The following OSBPL11 variants were observed in gnomAD, a reference collection of about 807,000 sequenced individuals.
The protein encoded by OSBPL11 is oxysterol binding protein like 11, also known as oxysterol-binding protein-related protein 11.
A neutral mutation model predicts 84.4 loss-of-function variants in OSBPL11; 33 were observed. That is an observed-to-expected ratio of 0.39 (90% confidence interval 0.30 to 0.52). The LOEUF is 0.52. OSBPL11 is among the 20% of genes least tolerant of loss of function. The probability of loss-of-function intolerance (pLI) is 0.72; values close to 1 mark genes in which losing one functional copy is unlikely to be tolerated. For missense variants in OSBPL11, 736 were observed against 901.1 expected (o/e 0.82, Z 2.35); for synonymous variants, 276 against 310.2 (o/e 0.89, Z 1.16).
chr3:125,563,671 C>T, intron 7 of OSBPL11, 27 bp downstream of exon 7: 7 of 1,609,350 alleles, frequency 4.3e-6, no homozygotes, highest in Non-Finnish European at 5.9e-6. Flanking sequence ...TTTTTCACAT[C>T]AAAATCATAT....
At chr3:125,575,105 T>G (rs989587042) in intron 5 of OSBPL11, among the ~76,000 whole-genome samples, 4 of 152,202 alleles carry the variant, frequency 2.6e-5, no homozygotes, top group Non-Finnish European at 5.9e-5. Context: ...GTAGTTCAAC[T>G]AAAACAACAT....
chr3:125,529,738 A>T lies in OSBPL11; in HGVS notation c.*777T>A, dbSNP rs1580025585. On this transcript the variant is annotated 3_prime_UTR_variant, in exon 13 of 13. Coordinates refer to ENST00000296220, the MANE Select transcript of OSBPL11 (RefSeq NM_022776.5). ...ATCATATTGACATTAACACATTTTTAAAAAGTGTCTCTCAAGTGTAATATT... is the reference window on the plus strand; with the variant it reads ...ATCATATTGACATTAACACATTTTTTAAAAGTGTCTCTCAAGTGTAATATT... 6.6e-6 allele frequency: 1 copy of T among 152,660 alleles called. No homozygotes were observed. The highest frequency in any genetic ancestry group is 1.5e-5 in the Non-Finnish European group (1 of 68,050). The allele number at this position is 152,660 out of a possible 1,614,324, so 9.5% of individuals were successfully genotyped here.
At chr3:125,589,488 T>C (rs1391449455) in intron 1 of OSBPL11, among the ~76,000 whole-genome samples, 1 of 152,126 alleles carries the variant, frequency 6.6e-6, no homozygotes, top group African/African-American at 2.4e-5. Context: ...TAATATTTTA[T>C]AGTTTCCAGT....
intron 1 of OSBPL11, among the ~76,000 whole-genome samples, chr3:125,588,877 C>T (rs764590417): frequency 8.5e-5 from 13 of 152,204 alleles, no homozygotes; most frequent in Non-Finnish European, 1.5e-4. Context: ...AAAAATTCAA[C>T]TCGCAGACTG....
intron 8 of OSBPL11, among the ~76,000 whole-genome samples, chr3:125,558,887 G>A (rs1936032125): frequency 6.6e-6 from 1 of 152,190 alleles, no homozygotes; most frequent in Admixed American, 6.5e-5. Context: ...TGGGACTGGG[G>A]CCTGAGATTC....
At chr3:125,571,639 T>A (rs1431821284) in intron 5 of OSBPL11, among the ~76,000 whole-genome samples, 1 of 152,172 alleles carries the variant, frequency 6.6e-6, no homozygotes, top group African/African-American at 2.4e-5. Context: ...AACGTAGAGC[T>A]CGTCTGTGGC....
In OSBPL11 at chr3:125,545,788, T is replaced by G. The variant is rs536303179; in HGVS notation, c.1841+1618A>C. On this transcript the variant is annotated intron_variant, in intron 10 of 12. Transcript: ENST00000296220. The stretch of plus-strand genomic sequence containing the variant: ...CAGGCTCACTTGGCTGCATGAGAGA[T>G]AGATGTGGAAACTAAGGGAGTAAGG... Among the ~76,000 whole-genome samples, 9 of 152,072 alleles carry G rather than the reference T, an allele frequency of 5.9e-5. No homozygotes were observed. The South Asian group carries it at 8.3e-4, about 14-fold the overall frequency.
chr3:125,543,679 T>C (rs1935768414), intron 10 of OSBPL11, among the ~76,000 whole-genome samples: 1 of 151,986 alleles, frequency 6.6e-6, no homozygotes. Flanking sequence ...GGTGGGCAGA[T>C]CACTTGAGGT....
intron 4 of OSBPL11, among the ~76,000 whole-genome samples, chr3:125,576,787 G>A (rs965820623): frequency 1.6e-4 from 25 of 151,696 alleles, no homozygotes; most frequent in Non-Finnish European, 2.9e-4. Flanking sequence ...AGATTCATGC[G>A]ATTCCCCTGC....
At chr3:125,541,516 C>T (rs1282640216) in intron 10 of OSBPL11, among the ~76,000 whole-genome samples, 3 of 152,152 alleles carry the variant, frequency 2.0e-5, no homozygotes, top group Non-Finnish European at 2.9e-5. Context: ...TTGTGACTAT[C>T]CCATTTCTGT....
At chr3:125,580,449 G>A (rs112893315) in intron 2 of OSBPL11, among the ~76,000 whole-genome samples, 3 of 147,912 alleles carry the variant, frequency 2.0e-5, no homozygotes, top group Non-Finnish European at 3.0e-5. Flanking sequence ...GGGAGGCAGC[G>A]GTTGCACTGC....
rs1350508676 is a variant in OSBPL11 at position 125,595,116 on chromosome 3, G to C, written c.-316C>G. ...ACATACTCAAAAGAGAAGGAGTGTGGGGAGGTCGCAGATTCTGTAGCCAAG... is the reference window on the plus strand; with the variant it reads ...ACATACTCAAAAGAGAAGGAGTGTGCGGAGGTCGCAGATTCTGTAGCCAAG... On this transcript the variant is annotated 5_prime_UTR_variant, in exon 1 of 13. Transcript: ENST00000296220. The C allele has an allele frequency of 4.6e-6, 1 of 218,180 alleles. No homozygotes were observed. The highest frequency in any genetic ancestry group is 1.1e-4 in the East Asian group (1 of 9,180). The allele number at this position is 218,180 out of a possible 1,614,324, so 13.5% of individuals were successfully genotyped here.
chr3:125,557,650 T>C (rs1366232375), intron 8 of OSBPL11, among the ~76,000 whole-genome samples: 11 of 151,884 alleles, frequency 7.2e-5, no homozygotes, highest in Admixed American at 7.2e-4. Context: ...AGTGTTGGAA[T>C]TATAGGTGTG....
At chr3:125,594,082 C>T (rs1458055122) in intron 1 of OSBPL11, among the ~76,000 whole-genome samples, 1 of 152,194 alleles carries the variant, frequency 6.6e-6, no homozygotes, top group Non-Finnish European at 1.5e-5. Context: ...GCAAACTGAA[C>T]ATCTCCAGGC....
intron 1 of OSBPL11, among the ~76,000 whole-genome samples, chr3:125,593,671 A>G (rs1217467723): frequency 6.6e-6 from 1 of 152,160 alleles, no homozygotes; most frequent in African/African-American, 2.4e-5. Context: ...ATATGTTAAT[A>G]TAGTCATGCA....
chr3:125,584,698 T>C (rs1404287562), intron 1 of OSBPL11, among the ~76,000 whole-genome samples: 3 of 152,222 alleles, frequency 2.0e-5, no homozygotes, highest in Non-Finnish European at 2.9e-5. Context: ...ATGTGAACTA[T>C]GGGGCAAAAC....
intron 9 of OSBPL11, among the ~76,000 whole-genome samples, chr3:125,551,629 G>A (rs1935909145): frequency 6.6e-6 from 1 of 151,830 alleles, no homozygotes; most frequent in Admixed American, 6.6e-5. Flanking sequence ...AAATTAGCTG[G>A]GTGTGGTGGC....
intron 5 of OSBPL11, among the ~76,000 whole-genome samples, chr3:125,573,647 G>A (rs1017638822): frequency 6.6e-6 from 1 of 152,080 alleles, no homozygotes; most frequent in East Asian, 1.9e-4. Context: ...TGGATCACCT[G>A]AGGTCAAGGG....
chr3:125,541,855 T>TTG (rs1388104321), intron 10 of OSBPL11, among the ~76,000 whole-genome samples: 2 of 152,174 alleles, frequency 1.3e-5, no homozygotes, highest in African/African-American at 4.8e-5. Context: ...AGTGCTGGGA[T>TTG]TAGAGGTGTG....
Sources: gnomAD v4.1 joint callset for allele counts (sites outside exome capture counted in the v4.1 genomes callset) on GRCh38, gnomAD v4.1.1 for gene constraint, MANE v1.5 for transcripts, NCBI Gene and HGNC (gene_info 2026-07-23, HGNC 2026-07-21) for gene names.